The following HTR7 variants were observed in gnomAD, a reference collection of about 807,000 sequenced individuals.
HTR7 encodes 5-HT-7.
Under a neutral mutation model 34.0 loss-of-function variants are expected in HTR7, and 16 were observed. The ratio of observed to expected loss-of-function variants is 0.47; its 90% CI spans 0.32 to 0.71. The LOEUF (loss-of-function observed/expected upper bound fraction) is 0.71. HTR7 is among the 30% of genes least tolerant of loss of function. The probability of loss-of-function intolerance (pLI) is 0.04; values close to 1 mark genes in which losing one functional copy is unlikely to be tolerated. For missense variants in HTR7, 504 were observed against 625.5 expected, an observed-to-expected ratio of 0.81 and a Z score of 2.07; for synonymous variants, 265 against 260.2, an observed-to-expected ratio of 1.02 and a Z score of -0.18.
chr10:90,830,226 T>A (rs1255740424), intron 1 of HTR7, among the ~76,000 whole-genome samples: 1 of 152,234 alleles, frequency 6.6e-6, no homozygotes, highest in Non-Finnish European at 1.5e-5. Context: ...AAGAAGATCC[T>A]GATTCACTGC....
At position 90,779,287 on chromosome 10, in the gene HTR7, T is replaced by C. The variant is rs140583828; in HGVS notation, c.540-29693A>G. Among the ~76,000 whole-genome samples the C allele has an allele frequency of 5.1e-4, 77 of 152,258 alleles. 1 individual carries two copies. Among genetic ancestry groups the C allele is most frequent in the Non-Finnish European group, 1.1e-3 (74 of 68,016 alleles). ...ACAAATAGAGAAAGAGGGACCAACA[T>C]CACCAGGAATGACAAAATAGAATTC... is the stretch of plus-strand genomic sequence containing the variant. On this transcript the variant is annotated intron_variant, in intron 1 of 3. Coordinates refer to ENST00000336152, the MANE Select transcript of HTR7 (RefSeq NM_019859.4).
intron 1 of HTR7, among the ~76,000 whole-genome samples, chr10:90,756,001 A>G (rs972017631): frequency 2.0e-5 from 3 of 152,244 alleles, no homozygotes; most frequent in African/African-American, 7.2e-5. Flanking sequence ...AAGTACATAA[A>G]CTGTGGCATA....
intron 1 of HTR7, among the ~76,000 whole-genome samples, chr10:90,795,364 C>T (rs371803565): frequency 9.2e-5 from 14 of 152,226 alleles, no homozygotes; most frequent in East Asian, 5.8e-4. Context: ...AACATTTATA[C>T]GTACGGAAAA....
chr10:90,824,745 T>C (rs1289465874), intron 1 of HTR7, among the ~76,000 whole-genome samples: 1 of 152,240 alleles, frequency 6.6e-6, no homozygotes, highest in Non-Finnish European at 1.5e-5. Context: ...GTATTCCTCA[T>C]GGGCCTGGGG....
At chr10:90,743,197 C>T (rs1445264573) in intron 3 of HTR7, among the ~76,000 whole-genome samples, 1 of 152,278 alleles carries the variant, frequency 6.6e-6, no homozygotes, top group Admixed American at 6.5e-5. Context: ...ATCTAAAGCA[C>T]CCCCTACCCT....
intron 1 of HTR7, among the ~76,000 whole-genome samples, chr10:90,829,357 T>C (rs1166462680): frequency 1.3e-5 from 2 of 152,208 alleles, no homozygotes; most frequent in African/African-American, 4.8e-5. Context: ...ATCCCCACTT[T>C]TCTTTTTTTG....
At chr10:90,836,538 G>T (rs909057513) in intron 1 of HTR7, among the ~76,000 whole-genome samples, 4 of 151,148 alleles carry the variant, frequency 2.6e-5, no homozygotes, top group Non-Finnish European at 5.9e-5. Context: ...TTGAGACAGG[G>T]TCTTGCTCTG....
chr10:90,770,237 G>A (rs1459306655), intron 1 of HTR7, among the ~76,000 whole-genome samples: 1 of 152,222 alleles, frequency 6.6e-6, no homozygotes, highest in East Asian at 1.9e-4. Context: ...GGGAGCCAGG[G>A]ATAAGAGGGA....
At chr10:90,828,441 CA>C (rs1846113493) in intron 1 of HTR7, among the ~76,000 whole-genome samples, 1 of 151,918 alleles carries the variant, frequency 6.6e-6, no homozygotes, top group African/African-American at 2.4e-5. Flanking sequence ...AAAACATAAA[CA>C]AACTTGACAA....
At chr10:90,796,329 A>G (rs767285180) in intron 1 of HTR7, among the ~76,000 whole-genome samples, 4 of 152,266 alleles carry the variant, frequency 2.6e-5, no homozygotes, top group Non-Finnish European at 5.9e-5. Flanking sequence ...TGAGGAATGT[A>G]TCAGGGAAAC....
At chr10:90,766,151 A>G (rs187394135) in intron 1 of HTR7, among the ~76,000 whole-genome samples, 2 of 152,048 alleles carry the variant, frequency 1.3e-5, no homozygotes, top group Admixed American at 1.3e-4. Context: ...ATTGCTGTTT[A>G]TTTCTCCCTT....
rs762274693 is a variant in HTR7, at chr10:90,743,633, C to G, written c.1353G>C (p.Val451=). The G allele has an allele frequency of 9.3e-6, 15 of 1,613,946 alleles. No homozygotes were observed. The South Asian group carries it at 9.9e-5, about 11-fold the overall frequency. ...GATGGTCTGGAGATTGTAGCACCCA[C>G]ACAGATACCGGTGGCCTCTTTTCTG... ...LRPEKRPPVS[V]WVLQSPDHHN... The change falls in exon 3 of 4, where the codon GTG becomes GTC. Residue 451 remains valine, a synonymous_variant. Transcript: ENST00000336152.
At chr10:90,761,132 G>A (rs1472109329) in intron 1 of HTR7, among the ~76,000 whole-genome samples, 1 of 151,984 alleles carries the variant, frequency 6.6e-6, no homozygotes, top group African/African-American at 2.4e-5. Flanking sequence ...CAGCTAGCCA[G>A]CCATCCTCCT....
chr10:90,830,789 G>GAA (rs770904900), intron 1 of HTR7, among the ~76,000 whole-genome samples: 1,849 of 83,746 alleles, frequency 0.022, 59 homozygotes, highest in African/African-American at 0.064. Context: ...CCCTGTCTCA[G>GAA]AAAAAAAAAA....
At chr10:90,842,565 A>G (rs1846345691) in intron 1 of HTR7, among the ~76,000 whole-genome samples, 1 of 152,134 alleles carries the variant, frequency 6.6e-6, no homozygotes, top group Non-Finnish European at 1.5e-5. Context: ...TGGGGATTAA[A>G]TGAGATGAAT....
intron 1 of HTR7, among the ~76,000 whole-genome samples, chr10:90,772,341 G>A (rs537663815): frequency 1.3e-5 from 2 of 152,078 alleles, no homozygotes; most frequent in African/African-American, 4.8e-5. Flanking sequence ...GCCTATATGA[G>A]CCATTAGTTA....
intron 1 of HTR7, among the ~76,000 whole-genome samples, chr10:90,855,124 T>G (rs1458815253): frequency 1.3e-5 from 2 of 152,256 alleles, no homozygotes; most frequent in Non-Finnish European, 2.9e-5. Context: ...AAATAATTTT[T>G]AAGCAGAATT....
chr10:90,812,128 A>G (rs1345959081), intron 1 of HTR7, among the ~76,000 whole-genome samples: 1 of 152,214 alleles, frequency 6.6e-6, no homozygotes, highest in Non-Finnish European at 1.5e-5. Context: ...ACCTGTCCTC[A>G]GAATGCTACA....
intron 1 of HTR7, among the ~76,000 whole-genome samples, chr10:90,764,822 T>G (rs796508862): frequency 9.2e-5 from 14 of 152,296 alleles, no homozygotes; most frequent in African/African-American, 2.9e-4. Flanking sequence ...TTGTGTCAAA[T>G]GCTTTTTATT....
Sources: allele counts gnomAD v4.1 joint callset (sites outside exome capture counted in the v4.1 genomes callset), GRCh38; gene constraint gnomAD v4.1.1; transcripts MANE v1.5; gene names NCBI Gene and HGNC (gene_info 2026-07-23, HGNC 2026-07-21).